The following RAP1B variants were observed in gnomAD, a reference collection of about 807,000 sequenced individuals.
RAP1B encodes the protein ras-related protein Rap-1b.
A neutral mutation model predicts 27.5 loss-of-function variants in RAP1B; 1 was observed. The observed-to-expected ratio is 0.04, with a 90% CI of 0.01 to 0.17. The LOEUF (loss-of-function observed/expected upper bound fraction) is 0.17. RAP1B is among the 10% of genes least tolerant of loss of function. The pLI is 1.00. For missense variants in RAP1B, 84 were observed against 214.8 expected (o/e 0.39, Z 3.81); for synonymous variants, 75 against 73.1 (o/e 1.03, Z -0.13).
At chr12:68,645,123 G>A (rs1252504500) in intron 1 of RAP1B, among the ~76,000 whole-genome samples, 1 of 152,144 alleles carries the variant, frequency 6.6e-6, no homozygotes. Flanking sequence ...ACAGTTTCAG[G>A]TTCTGGGAAT....
At position 68,610,943 on chromosome 12, in the gene RAP1B, GAGCGGCGCGGC is replaced by G. The variant is rs1407423808; in HGVS notation, c.-120_-110del. The G allele has an allele frequency of 2.2e-5, 7 of 311,422 alleles. No individual in the cohort carries two copies. Among genetic ancestry groups the G allele is most frequent in the Admixed American group, 5.1e-5 (1 of 19,644 alleles). 19.3% of individuals were successfully genotyped at this position (311,422 alleles called of 1,614,324 possible). On this transcript the variant is annotated 5_prime_UTR_variant, in exon 1 of 8. Transcript: ENST00000250559. The stretch of plus-strand genomic sequence containing the variant: ...CAGATTCAGGCGTGTAAACCAGCCG[GAGCGGCGCGGC>G]AGCGGCAGGACCGCCGTGGCGCCTA...
chr12:68,613,933 A>T (rs1469094780), intron 1 of RAP1B, among the ~76,000 whole-genome samples: 1 of 152,220 alleles, frequency 6.6e-6, no homozygotes, highest in Non-Finnish European at 1.5e-5. Flanking sequence ...AGCTGTATAA[A>T]GGTAAAGTGA....
intron 1 of RAP1B, among the ~76,000 whole-genome samples, chr12:68,632,734 G>A (rs1391913142): frequency 6.6e-6 from 1 of 152,146 alleles, no homozygotes; most frequent in Non-Finnish European, 1.5e-5. Context: ...TCTATTGCTA[G>A]AGAAATTAAA....
At position 68,667,295 on chromosome 12, in the gene RAP1B, T is replaced by G. The variant is rs1471539972; in HGVS notation, c.*8046T>G. On this transcript the variant is annotated 3_prime_UTR_variant, in exon 8 of 8. Coordinates refer to ENST00000250559, the MANE Select transcript of RAP1B (RefSeq NM_001010942.3). ...TTGCTTCTGCACTGAATTCAATGTTTTATTTACTGCTTGGTTATTTTGTTT... is the reference window on the plus strand; with the variant it reads ...TTGCTTCTGCACTGAATTCAATGTTGTATTTACTGCTTGGTTATTTTGTTT... 1.3e-5 allele frequency: 2 copies of G among 152,174 alleles called. No individual in the cohort carries two copies. The highest frequency in any genetic ancestry group is 1.3e-4 in the Admixed American group (2 of 15,272). The allele number at this position is 152,174 out of a possible 1,614,324, so 9.4% of individuals were successfully genotyped here. A position where few individuals can be genotyped will look rare whatever the true frequency, so the allele number is the denominator to read the frequency against.
chr12:68,643,648 C>T (rs1185920784), intron 1 of RAP1B, among the ~76,000 whole-genome samples: 2 of 152,056 alleles, frequency 1.3e-5, no homozygotes, highest in African/African-American at 2.4e-5. Context: ...TAATCCAGTA[C>T]TTTTCCAACA....
intron 5 of RAP1B, among the ~76,000 whole-genome samples, chr12:68,654,679 A>G (rs997676408): frequency 2.0e-5 from 3 of 151,898 alleles, no homozygotes; most frequent in South Asian, 2.1e-4. Flanking sequence ...GGGTTTCACC[A>G]TGTTAGCCAG....
intron 1 of RAP1B, among the ~76,000 whole-genome samples, chr12:68,611,954 G>A (rs1870630826): frequency 6.6e-6 from 1 of 152,112 alleles, no homozygotes; most frequent in Non-Finnish European, 1.5e-5. Flanking sequence ...GATCATTTTT[G>A]CAAGTTAAAG....
At chr12:68,657,933 CTT>C (rs1433760331) in intron 7 of RAP1B, among the ~76,000 whole-genome samples, 2 of 150,746 alleles carry the variant, frequency 1.3e-5, no homozygotes, top group South Asian at 4.2e-4. Context: ...TTTCCTTCAA[CTT>C]TTAAGTTCCA....
At chr12:68,630,316 G>A (rs1872141513) in intron 1 of RAP1B, among the ~76,000 whole-genome samples, 1 of 152,148 alleles carries the variant, frequency 6.6e-6, no homozygotes. Context: ...CTCTGCTATT[G>A]TAGCCTGAAG....
At chr12:68,659,039 C>G (rs946736915) in intron 7 of RAP1B, among the ~76,000 whole-genome samples, 1 of 152,106 alleles carries the variant, frequency 6.6e-6, no homozygotes, top group Non-Finnish European at 1.5e-5. Flanking sequence ...GGTACTTTCC[C>G]TTTCTGTTCC....
chr12:68,614,547 G>C (rs187847102), intron 1 of RAP1B, among the ~76,000 whole-genome samples: 73 of 152,320 alleles, frequency 4.8e-4, no homozygotes, highest in African/African-American at 1.7e-3. Flanking sequence ...AGATTGGTCT[G>C]TCTTAAACTT....
At chr12:68,648,962 C>A (rs1873618317) in intron 2 of RAP1B, 181 bp downstream of exon 2, 1 of 558,446 alleles carries the variant, frequency 1.8e-6, no homozygotes, top group Non-Finnish European at 3.1e-6. Context: ...CATATTCTCT[C>A]TGGAACATTG....
chr12:68,619,687 T>C (rs990068731), intron 1 of RAP1B, among the ~76,000 whole-genome samples: 2 of 152,240 alleles, frequency 1.3e-5, no homozygotes, highest in Non-Finnish European at 2.9e-5. Flanking sequence ...TCTCAGTGTT[T>C]AATGTCTTCT....
intron 1 of RAP1B, among the ~76,000 whole-genome samples, chr12:68,613,316 G>T (rs1317359852): frequency 6.6e-6 from 1 of 151,414 alleles, no homozygotes; most frequent in Non-Finnish European, 1.5e-5. Context: ...GCTTGAACCT[G>T]GGAGGCGGAG....
chr12:68,653,601 A>G (rs1249053170), intron 4 of RAP1B, among the ~76,000 whole-genome samples: 1 of 152,172 alleles, frequency 6.6e-6, no homozygotes, highest in Non-Finnish European at 1.5e-5. Flanking sequence ...TTTTTTGTAT[A>G]TAAATCGACT....
chr12:68,670,765 A>G lies in RAP1B; in HGVS notation c.*11516A>G, dbSNP rs982189564. On this transcript the variant is annotated 3_prime_UTR_variant, in exon 8 of 8. Transcript: ENST00000250559. ...TATTCACGGCCAGGCACGGTGGATC[A>G]TGCCTGTAATCCCAACACTTTGGGA... is the stretch of plus-strand genomic sequence containing the variant. 6.6e-6 allele frequency: 1 copy of G among 152,264 alleles called. No homozygotes were observed. Among genetic ancestry groups the G allele is most frequent in the Admixed American group, 6.5e-5 (1 of 15,282 alleles). 9.4% of individuals were successfully genotyped at this position (152,264 alleles called of 1,614,324 possible).
chr12:68,660,733 C>T lies in RAP1B; in HGVS notation c.*1484C>T, dbSNP rs1874550008. 6.6e-6 allele frequency: 1 copy of T among 152,176 alleles called. No individual in the cohort carries two copies. Among genetic ancestry groups the T allele is most frequent in the Non-Finnish European group, 1.5e-5 (1 of 68,030 alleles). The allele number at this position is 152,176 out of a possible 1,614,324, so 9.4% of individuals were successfully genotyped here. ...AATATCCACATAACCACCTTTTGAA[C>T]TTTTCCTTGAGAAATAATTTTGTAA... On this transcript the variant is annotated 3_prime_UTR_variant, in exon 8 of 8. Transcript: ENST00000250559.
At chr12:68,656,654 T>C (rs1450607482) in intron 6 of RAP1B, 1 of 589,562 alleles carries the variant, frequency 1.7e-6, no homozygotes, top group African/African-American at 1.9e-5. Flanking sequence ...TACATTGATA[T>C]TTACCATGAA....
At chr12:68,617,209 A>G (rs1871090262) in intron 1 of RAP1B, among the ~76,000 whole-genome samples, 1 of 152,208 alleles carries the variant, frequency 6.6e-6, no homozygotes, top group Non-Finnish European at 1.5e-5. Context: ...TATATAATCT[A>G]TTTTTACTTA....
Sources: gnomAD v4.1 joint callset for allele counts (sites outside exome capture counted in the v4.1 genomes callset) on GRCh38, gnomAD v4.1.1 for gene constraint, MANE v1.5 for transcripts, NCBI Gene and HGNC (gene_info 2026-07-23, HGNC 2026-07-21) for gene names.